The following OPHN1 variants were observed in gnomAD, a reference collection of about 807,000 sequenced individuals.
OPHN1 encodes the protein oligophrenin-1.
OPHN1 carries 11 observed loss-of-function variants against 60.7 expected under a neutral mutation model. The ratio of observed to expected loss-of-function variants is 0.18; its 90% CI spans 0.11 to 0.30. The LOEUF (loss-of-function observed/expected upper bound fraction) is 0.30. Ranked by LOEUF, OPHN1 falls within the 10% of genes least tolerant of loss-of-function variation. The probability of loss-of-function intolerance (pLI) is 1.00; values close to 1 mark genes in which losing one functional copy is unlikely to be tolerated. For missense variants in OPHN1, 449 were observed against 611.0 expected (o/e 0.73, Z 2.80); for synonymous variants, 226 against 222.6 (o/e 1.02, Z -0.14).
At chrX:68,149,260 T>G (rs2077275639) in intron 15 of OPHN1, among the ~76,000 whole-genome samples, 1 of 111,544 alleles carries the variant, frequency 9.0e-6, no homozygotes, top group African/African-American at 3.3e-5. Context: ...TTGCAAATAG[T>G]CAAAATAACA....
intron 18 of OPHN1, among the ~76,000 whole-genome samples, chrX:68,104,960 G>GA (rs960168507): frequency 3.6e-5 from 4 of 111,240 alleles, no homozygotes; most frequent in African/African-American, 9.8e-5. Flanking sequence ...AAATTTACAA[G>GA]AAAAAAACAA....
At chrX:68,334,549 T>C (rs1455944837) in intron 2 of OPHN1, among the ~76,000 whole-genome samples, 1 of 112,363 alleles carries the variant, frequency 8.9e-6, no homozygotes, top group Non-Finnish European at 1.9e-5. Flanking sequence ...TTCCATATAG[T>C]TAGACTTTGA....
intron 15 of OPHN1, among the ~76,000 whole-genome samples, chrX:68,167,633 A>G (rs1274175904): frequency 2.7e-5 from 3 of 110,327 alleles, no homozygotes; most frequent in Non-Finnish European, 3.8e-5. Context: ...GCATGCATGC[A>G]TATATATGCA....
chrX:68,416,067 TAGAGAGAGAGAGAGAGAGAG>T (rs1171250178), intron 2 of OPHN1, among the ~76,000 whole-genome samples: 2 of 8,350 alleles, frequency 2.4e-4, no homozygotes, highest in African/African-American at 4.7e-4. Flanking sequence ...TATATATATA[TAGAGAGAGAGAGAGAGAGAG>T]AGAGAGAGAG....
chrX:68,367,008 T>G (rs950225121), intron 2 of OPHN1, among the ~76,000 whole-genome samples: 2 of 110,554 alleles, frequency 1.8e-5, no homozygotes, highest in East Asian at 5.7e-4. Context: ...CAGAGTGACA[T>G]CAGCAAAATG....
intron 2 of OPHN1, among the ~76,000 whole-genome samples, chrX:68,377,531 T>C (rs779099199): frequency 9.2e-6 from 1 of 108,118 alleles, no homozygotes; most frequent in South Asian, 4.2e-4. Flanking sequence ...GCTGCACCCA[T>C]TAACTCATCA....
At chrX:68,362,876 G>A (rs1241257510) in intron 2 of OPHN1, among the ~76,000 whole-genome samples, 1 of 111,306 alleles carries the variant, frequency 9.0e-6, no homozygotes, top group Non-Finnish European at 1.9e-5. Context: ...AGGGGAAACC[G>A]GAGGAGGGGG....
intron 6 of OPHN1, among the ~76,000 whole-genome samples, chrX:68,225,695 G>T (rs769473435): frequency 8.9e-6 from 1 of 112,077 alleles, no homozygotes; most frequent in South Asian, 3.7e-4. Flanking sequence ...AAACAGAAAG[G>T]ACATCCACAC....
intron 5 of OPHN1, among the ~76,000 whole-genome samples, chrX:68,267,181 A>G (rs764851822): frequency 9.0e-6 from 1 of 111,586 alleles, no homozygotes; most frequent in Non-Finnish European, 1.9e-5. Context: ...AGCAGACCTA[A>G]TAGACATCTA....
At chrX:68,162,784 T>C (rs1359927751) in intron 15 of OPHN1, among the ~76,000 whole-genome samples, 3 of 111,105 alleles carry the variant, frequency 2.7e-5, no homozygotes, top group Non-Finnish European at 1.9e-5. Flanking sequence ...CTTAATCAAG[T>C]GAAAAAATAG....
At chrX:68,239,247 C>T (rs889023705) in intron 5 of OPHN1, among the ~76,000 whole-genome samples, 1 of 65,483 alleles carries the variant, frequency 1.5e-5, no homozygotes, top group African/African-American at 4.8e-5. Context: ...TGGTGTCTGC[C>T]GGTGTCCTCC....
intron 15 of OPHN1, among the ~76,000 whole-genome samples, chrX:68,178,696 G>A (rs765427566): frequency 2.5e-3 from 276 of 111,952 alleles, no homozygotes; most frequent in African/African-American, 8.4e-3. Context: ...GAGCCACTGC[G>A]CCCAGCCCAG....
intron 5 of OPHN1, among the ~76,000 whole-genome samples, chrX:68,235,924 C>T (rs766381199): frequency 2.7e-5 from 3 of 109,367 alleles, no homozygotes; most frequent in African/African-American, 1.0e-4. Flanking sequence ...TGAAGGGAAA[C>T]GTGTAGGGAG....
chrX:68,061,885 A>G (rs1480800549), intron 21 of OPHN1, among the ~76,000 whole-genome samples: 1 of 111,657 alleles, frequency 9.0e-6, no homozygotes, highest in Non-Finnish European at 1.9e-5. Context: ...AGCTTTTACT[A>G]AATTGTGCTC....
chrX:68,398,134 T>A (rs1255173137), intron 2 of OPHN1, among the ~76,000 whole-genome samples: 2 of 111,657 alleles, frequency 1.8e-5, no homozygotes, highest in African/African-American at 6.5e-5. Flanking sequence ...GTCCCTTGCC[T>A]TTTATTTTTC....
intron 2 of OPHN1, among the ~76,000 whole-genome samples, chrX:68,380,197 A>G (rs7887928): frequency 0.038 from 4,262 of 110,809 alleles, 206 homozygotes; most frequent in African/African-American, 0.13. Flanking sequence ...TGTCTTCTAG[A>G]TTTTCTAGTT....
At chrX:68,339,142 A>G (rs2078338920) in intron 2 of OPHN1, among the ~76,000 whole-genome samples, 1 of 106,730 alleles carries the variant, frequency 9.4e-6, no homozygotes, top group South Asian at 4.0e-4. Context: ...TATACCACAT[A>G]AATAGAATAT....
At chrX:68,153,666 G>A (rs1020515835) in intron 15 of OPHN1, among the ~76,000 whole-genome samples, 1 of 111,500 alleles carries the variant, frequency 9.0e-6, no homozygotes, top group Non-Finnish European at 1.9e-5. Flanking sequence ...TTGTTGAAGG[G>A]AGAGAGCGTA....
intron 18 of OPHN1, among the ~76,000 whole-genome samples, chrX:68,098,453 C>A (rs1486666142): frequency 9.0e-6 from 1 of 111,506 alleles, no homozygotes; most frequent in Non-Finnish European, 1.9e-5. Context: ...GAAACACTCA[C>A]TCTCCACACC....
Sources: allele counts gnomAD v4.1 joint callset (sites outside exome capture counted in the v4.1 genomes callset), GRCh38; gene constraint gnomAD v4.1.1; transcripts MANE v1.5; gene names NCBI Gene and HGNC (gene_info 2026-07-23, HGNC 2026-07-21).